The following NAALADL2 variants were observed in gnomAD, a reference collection of about 807,000 sequenced individuals.
NAALADL2 encodes the protein N-acetylated alpha-linked acidic dipeptidase like 2.
A neutral mutation model predicts 87.2 loss-of-function variants in NAALADL2; 76 were observed. The ratio of observed to expected loss-of-function variants is 0.87; its 90% CI spans 0.72 to 1.05. NAALADL2 has a LOEUF of 1.05. Among genes scored for constraint, NAALADL2 ranks in the 50% least tolerant of loss-of-function variants. NAALADL2 has a pLI of 0.00. For missense variants in NAALADL2, 1,089 were observed against 945.8 expected (o/e 1.15, Z -1.99); for synonymous variants, 354 against 331.0 (o/e 1.07, Z -0.75).
At chr3:175,736,325 T>C (rs1744500484) in intron 11 of NAALADL2, among the ~76,000 whole-genome samples, 1 of 152,244 alleles carries the variant, frequency 6.6e-6, no homozygotes, top group African/African-American at 2.4e-5. Context: ...ATCTCACAGA[T>C]GTATTAATAC....
intron 3 of NAALADL2, among the ~76,000 whole-genome samples, chr3:174,816,398 G>GTA (rs1720811959): frequency 9.1e-6 from 1 of 110,368 alleles, no homozygotes; most frequent in African/African-American, 4.1e-5. Context: ...GTGTGTGTGT[G>GTA]TGTGTATGTG....
intron 13 of NAALADL2, among the ~76,000 whole-genome samples, chr3:175,770,400 T>C (rs1749333771): frequency 6.6e-6 from 1 of 152,188 alleles, no homozygotes; most frequent in Non-Finnish European, 1.5e-5. Context: ...TCAAATAATA[T>C]GATTGACAAG....
chr3:174,693,449 C>A (rs1430025936), intron 2 of NAALADL2, among the ~76,000 whole-genome samples: 1 of 151,912 alleles, frequency 6.6e-6, no homozygotes, highest in African/African-American at 2.4e-5. Context: ...ATTTTACTAC[C>A]AAGAAATTTT....
intron 1 of NAALADL2, among the ~76,000 whole-genome samples, chr3:174,460,469 C>T (rs1716143961): frequency 6.6e-6 from 1 of 151,772 alleles, no homozygotes; most frequent in Non-Finnish European, 1.5e-5. Context: ...TTTCTAATCA[C>T]AATAATGGTC....
intron 2 of NAALADL2, among the ~76,000 whole-genome samples, chr3:174,684,796 C>T (rs12493995): frequency 0.08 from 12,096 of 151,966 alleles, 697 homozygotes; most frequent in South Asian, 0.27. Context: ...GTTGACATCC[C>T]TACAGTATTA....
chr3:174,663,005 C>G (rs540125654), intron 2 of NAALADL2, among the ~76,000 whole-genome samples: 45 of 152,200 alleles, frequency 3.0e-4, no homozygotes, highest in African/African-American at 1.0e-3. Flanking sequence ...TATTATTTAT[C>G]TATTTTTTGT....
chr3:175,447,473 A>G lies in NAALADL2; in HGVS notation c.1234+101A>G, dbSNP rs544570119. 7 of 756,492 alleles carry G rather than the reference A, an allele frequency of 9.3e-6. No homozygotes were observed. In the African/African-American group the frequency reaches 1.3e-4, roughly 14 times the overall value. 46.9% of individuals were successfully genotyped at this position (756,492 alleles called of 1,614,324 possible). A position where few individuals can be genotyped will look rare whatever the true frequency, so the allele number is the denominator to read the frequency against. On this transcript the variant is annotated intron_variant, in intron 6 of 13. Transcript: ENST00000454872. ...ATGTATGTAGGATTATTCTTTTCAA[A>G]AACATTGACTTTTGATGAAGTGAGC...
chr3:174,710,311 G>A (rs889853320), intron 2 of NAALADL2, among the ~76,000 whole-genome samples: 2 of 148,572 alleles, frequency 1.3e-5, no homozygotes, highest in Admixed American at 1.4e-4. Context: ...CTGGAATGCA[G>A]TGGCGCGATC....
chr3:175,273,525 G>A (rs1753150220), intron 4 of NAALADL2, among the ~76,000 whole-genome samples: 1 of 151,928 alleles, frequency 6.6e-6, no homozygotes, highest in Non-Finnish European at 1.5e-5. Flanking sequence ...TACCAACAGA[G>A]TTTATGTATT....
rs771538963 is a variant in NAALADL2, at chr3:175,256,366, C to T, written c.820-45C>T. 1.1e-5 allele frequency: 17 copies of T among 1,556,590 alleles called. No homozygotes were observed. The South Asian group carries it at 2.0e-4, about 18-fold the overall frequency. Reference sequence around the variant, plus strand: ...ACTAAATGGACAATTGGCTATACTTCTTCCTCTGAGGCTTTATTTTTCTTT... The same window carrying T: ...ACTAAATGGACAATTGGCTATACTTTTTCCTCTGAGGCTTTATTTTTCTTT... On this transcript the variant is annotated intron_variant, in intron 3 of 13. Coordinates refer to ENST00000454872, the MANE Select transcript of NAALADL2 (RefSeq NM_207015.3).
rs745480403 is a variant in NAALADL2, at chr3:175,096,822, G to T, written c.76G>T (p.Asp26Tyr). 6.3e-7 allele frequency: 1 copy of T among 1,599,214 alleles called. No homozygotes were observed. Among genetic ancestry groups the T allele is most frequent in the East Asian group, 2.2e-5 (1 of 44,586 alleles). Reference protein sequence around the residue: ...KKMAYQKVHADQRAPGHSQYL... With the variant: ...KKMAYQKVHAYQRAPGHSQYL... ...GATGGCCTATCAGAAGGTCCATGCA[G>T]ATCAAAGAGCTCCAGGACACTCACA... Residue 26 changes from aspartate (D) to tyrosine (Y), a missense_variant, in exon 2 of 14, where the codon GAT (aspartate) becomes TAT (tyrosine). Coordinates refer to ENST00000454872, the MANE Select transcript of NAALADL2 (RefSeq NM_207015.3).
chr3:175,126,704 T>G (rs1727017866), intron 2 of NAALADL2, among the ~76,000 whole-genome samples: 1 of 152,092 alleles, frequency 6.6e-6, no homozygotes, highest in African/African-American at 2.4e-5. Context: ...GAGAATGTAT[T>G]TAATACACAA....
At chr3:175,140,714 G>A (rs573076455) in intron 2 of NAALADL2, among the ~76,000 whole-genome samples, 6 of 152,258 alleles carry the variant, frequency 3.9e-5, no homozygotes, top group African/African-American at 1.4e-4. Context: ...GATAGACAGG[G>A]TCCTCGCTAC....
intron 13 of NAALADL2, among the ~76,000 whole-genome samples, chr3:175,786,106 C>G (rs1296385313): frequency 1.3e-5 from 2 of 151,956 alleles, no homozygotes; most frequent in Non-Finnish European, 2.9e-5. Flanking sequence ...GAGGGTAACC[C>G]AACCTTTCTC....
At chr3:175,642,438 A>T (rs528185765) in intron 11 of NAALADL2, among the ~76,000 whole-genome samples, 16 of 151,904 alleles carry the variant, frequency 1.1e-4, no homozygotes, top group Admixed American at 9.2e-4. Flanking sequence ...ACAACTTAAC[A>T]CTTTTGTTTT....
chr3:175,697,813 G>GTATGTATACATATATATGTGTATA (rs1738089284), intron 11 of NAALADL2, among the ~76,000 whole-genome samples: 2 of 133,944 alleles, frequency 1.5e-5, no homozygotes, highest in African/African-American at 2.8e-5. Flanking sequence ...ATATATTTAT[G>GTATGTATACATATATATGTGTATA]TATGTATACA....
intron 1 of NAALADL2, among the ~76,000 whole-genome samples, chr3:175,095,211 C>T (rs547221412): frequency 6.6e-6 from 1 of 151,920 alleles, no homozygotes; most frequent in Non-Finnish European, 1.5e-5. Flanking sequence ...TCACACCCTC[C>T]TCTCTTGCAA....
chr3:175,507,085 A>T (rs1283815754), intron 9 of NAALADL2, among the ~76,000 whole-genome samples: 1 of 151,578 alleles, frequency 6.6e-6, no homozygotes, highest in Non-Finnish European at 1.5e-5. Flanking sequence ...TAAATGGACA[A>T]TATTTTTTCC....
chr3:175,036,283 A>G (rs925508053), intron 1 of NAALADL2, among the ~76,000 whole-genome samples: 5 of 151,898 alleles, frequency 3.3e-5, no homozygotes, highest in African/African-American at 1.2e-4. Flanking sequence ...CATTATTGTC[A>G]TTTTCGACCA....
Sources: allele counts gnomAD v4.1 joint callset (sites outside exome capture counted in the v4.1 genomes callset), GRCh38; gene constraint gnomAD v4.1.1; transcripts MANE v1.5; gene names NCBI Gene and HGNC (gene_info 2026-07-23, HGNC 2026-07-21).